Variants in TRPM1 observed in about 807,000 individuals in gnomAD.
The protein encoded by TRPM1 is transient receptor potential cation channel subfamily M member 1, also known as TRPM1-203 APA Isoform, Intron 10.
In TRPM1, 113 loss-of-function variants were observed where a neutral mutation model predicts 149.4. The ratio of observed to expected loss-of-function variants is 0.76; its 90% confidence interval spans 0.65 to 0.88. The LOEUF (loss-of-function observed/expected upper bound fraction) is 0.88, where lower values mean the gene tolerates loss of function less well. Among genes scored for constraint, TRPM1 ranks in the 40% least tolerant of loss-of-function variants. TRPM1 has a pLI of 0.00. For missense variants in TRPM1, 1,976 were observed against 2,038.7 expected, an observed-to-expected ratio of 0.97 and a Z score of 0.59; for synonymous variants, 741 against 759.5, an observed-to-expected ratio of 0.98 and a Z score of 0.40.
intron 27 of TRPM1, among the ~76,000 whole-genome samples, chr15:31,025,026 G>T (rs746902746): frequency 1.3e-5 from 2 of 152,160 alleles, no homozygotes; most frequent in African/African-American, 2.4e-5. Context: ...AGAGTTCACT[G>T]GCCTCAACAT....
At chr15:31,043,552 T>C (rs1309301620) in intron 16 of TRPM1, among the ~76,000 whole-genome samples, 2 of 152,198 alleles carry the variant, frequency 1.3e-5, no homozygotes, top group Non-Finnish European at 2.9e-5. Flanking sequence ...ATGGAAAATA[T>C]AGTATCTTGA....
chr15:31,079,119 C>A (rs562811140), intron 2 of TRPM1, among the ~76,000 whole-genome samples: 1 of 152,220 alleles, frequency 6.6e-6, no homozygotes, highest in Admixed American at 6.5e-5. Context: ...TATATAGAGA[C>A]AGGTATAAAA....
In TRPM1 at chr15:31,067,177, G is replaced by T; in HGVS notation, c.504C>A (p.Ser168Arg). Residue 168 changes from serine (S) to arginine (R), a missense_variant, in exon 6 of 28, where the codon AGC (serine) becomes AGA (arginine). Ser to Arg is a moderately radical substitution (Grantham distance 110). This residue lies in a region of TRPM1 where 1,332 missense variants were observed against 1,347.1 expected (regional missense o/e 0.99). Transcript: ENST00000256552. ...GGTCTTTCAAGGCATCCCCTACGTG[G>T]CTGATAACACCTGTGAGCAGCCATT... ...FTGGVSTGVI[S>R]HVGDALKDHS... The T allele has an allele frequency of 6.2e-7, 1 of 1,614,110 alleles. No individual in the cohort carries two copies. Among genetic ancestry groups the T allele is most frequent in the Non-Finnish European group, 8.5e-7 (1 of 1,180,008 alleles).
intron 1 of TRPM1, among the ~76,000 whole-genome samples, chr15:31,089,836 C>T (rs1264816795): frequency 6.6e-6 from 1 of 152,202 alleles, no homozygotes; most frequent in Non-Finnish European, 1.5e-5. Flanking sequence ...GCACTTCTGC[C>T]TGCCCTTGTG....
intron 1 of TRPM1, among the ~76,000 whole-genome samples, chr15:31,155,556 A>G (rs2036360357): frequency 6.6e-6 from 1 of 152,262 alleles, no homozygotes; most frequent in African/African-American, 2.4e-5. Context: ...AAAACATTTA[A>G]TTCAAAATTA....
intron 1 of TRPM1, among the ~76,000 whole-genome samples, chr15:31,108,719 C>G (rs896888147): frequency 6.6e-6 from 1 of 152,342 alleles, no homozygotes; most frequent in South Asian, 2.1e-4. Context: ...GTCTCGAACT[C>G]CCGACCTCAG....
chr15:31,115,978 C>A (rs544684726), intron 1 of TRPM1, among the ~76,000 whole-genome samples: 9 of 151,918 alleles, frequency 5.9e-5, no homozygotes, highest in Non-Finnish European at 1.2e-4. Flanking sequence ...GATAGCTCTC[C>A]GGGGCCTCTT....
Position 31,066,251 on chromosome 15 carries a change from A to G in TRPM1, c.619-4T>C. The G allele has an allele frequency of 6.2e-7, 1 of 1,614,194 alleles. No homozygotes were observed. The highest frequency in any genetic ancestry group is 8.5e-7 in the Non-Finnish European group (1 of 1,180,034). ...TGGTCTGGTACACTCTTGTTACCTG[A>G]CAAAGTGCACAGCGCAAATCAGACC... On this transcript the variant is annotated splice_region_variant and splice_polypyrimidine_tract_variant and intron_variant, in intron 6 of 27. Coordinates refer to ENST00000256552, the MANE Select transcript of TRPM1 (RefSeq NM_001252024.2).
At chr15:31,130,270 C>T (rs2036000280) in intron 1 of TRPM1, among the ~76,000 whole-genome samples, 1 of 152,186 alleles carries the variant, frequency 6.6e-6, no homozygotes, top group Non-Finnish European at 1.5e-5. Context: ...ATCATAAAAC[C>T]ACCTTTGCAA....
intron 27 of TRPM1, among the ~76,000 whole-genome samples, chr15:31,018,519 A>C (rs191431363): frequency 2.2e-3 from 332 of 151,326 alleles, no homozygotes; most frequent in Non-Finnish European, 4.2e-3. Flanking sequence ...GATTACAGGC[A>C]TGCGCCACCA....
chr15:31,089,412 G>C (rs1352401861), intron 1 of TRPM1, among the ~76,000 whole-genome samples: 1 of 152,226 alleles, frequency 6.6e-6, no homozygotes, highest in Non-Finnish European at 1.5e-5. Context: ...ACAGAGTCCA[G>C]TAGGATTTGG....
chr15:31,042,477 G>T (rs1175444255), intron 16 of TRPM1, among the ~76,000 whole-genome samples: 2 of 152,182 alleles, frequency 1.3e-5, no homozygotes, highest in Non-Finnish European at 2.9e-5. Flanking sequence ...TGGATAACTT[G>T]CACCCCTGGG....
At position 31,050,457 on chromosome 15, in the gene TRPM1, C is replaced by G; in HGVS notation, c.1389G>C (p.Glu463Asp). ...GGGGGTCAGTTTCTTCCTCCACTTCCTCTTTCACTTTCCCTTTCTTCTTGC... is the reference window on the plus strand; with the variant it reads ...GGGGGTCAGTTTCTTCCTCCACTTCGTCTTTCACTTTCCCTTTCTTCTTGC... ...GKGKKKGKVKEEVEEETDPRK... is the reference protein window; with the variant it reads ...GKGKKKGKVKDEVEEETDPRK... Residue 463 changes from glutamate to aspartate, a missense_variant, in exon 12 of 28, where the codon GAG becomes GAC. By Grantham distance (45) the Glu-to-Asp change is conservative. Transcript: ENST00000256552. 1 of 1,614,122 alleles carries G rather than the reference C, an allele frequency of 6.2e-7. No homozygotes were observed. The highest frequency in any genetic ancestry group is 8.5e-7 in the Non-Finnish European group (1 of 1,180,012).
At chr15:31,110,616 G>A (rs565083714) in intron 1 of TRPM1, among the ~76,000 whole-genome samples, 2 of 152,128 alleles carry the variant, frequency 1.3e-5, no homozygotes, top group Non-Finnish European at 1.5e-5. Flanking sequence ...TCGTCAACAG[G>A]TGAACGTTGG....
chr15:31,106,414 G>A (rs1422195830), upstream of TRPM1, among the ~76,000 whole-genome samples: 1 of 152,078 alleles, frequency 6.6e-6, no homozygotes, highest in African/African-American at 2.4e-5. Context: ...GGGATTACAG[G>A]TGTGAGCCAC....
Position 31,066,129 on chromosome 15 carries a change from A to G in TRPM1, c.737T>C (p.Val246Ala). ...CTTTTCCAGCAGCCTTCGCAGCTTC[A>G]CCTCGGCGCCATACTTGCCCAGGGT... ...NGTLGKYGAEVKLRRLLEKHI... is the reference protein window; with the variant it reads ...NGTLGKYGAEAKLRRLLEKHI... Residue 246 changes from valine to alanine, a missense_variant, in exon 7 of 28, where the codon GTG (valine) becomes GCG (alanine). By Grantham distance (64) the Val-to-Ala change is moderately conservative. Coordinates refer to ENST00000256552, the MANE Select transcript of TRPM1 (RefSeq NM_001252024.2). 5 of 1,614,128 alleles carry G rather than the reference A, an allele frequency of 3.1e-6. No individual in the cohort carries two copies. Among genetic ancestry groups the G allele is most frequent in the Non-Finnish European group, 4.2e-6 (5 of 1,180,026 alleles).
chr15:31,141,211 G>A (rs2036156913), intron 1 of TRPM1, among the ~76,000 whole-genome samples: 1 of 151,884 alleles, frequency 6.6e-6, no homozygotes, highest in Non-Finnish European at 1.5e-5. Context: ...GTTCTATGAG[G>A]AATCACATAT....
chr15:31,083,390 T>C (rs2034913364), intron 1 of TRPM1, among the ~76,000 whole-genome samples: 1 of 152,188 alleles, frequency 6.6e-6, no homozygotes, highest in Non-Finnish European at 1.5e-5. Context: ...TTATGGCTTC[T>C]CTTGAAAGCC....
At chr15:31,069,529 C>G (rs2034473166) in intron 4 of TRPM1, 1 of 1,140,310 alleles carries the variant, frequency 8.8e-7, no homozygotes, top group Admixed American at 4.3e-5. Context: ...AAGCCTCCCC[C>G]ACGCTGGCAG....
Sources: gnomAD v4.1 joint callset for allele counts (sites outside exome capture counted in the v4.1 genomes callset) on GRCh38, gnomAD v4.1.1 for gene constraint, gnomAD v4.1.1 regional missense constraint, MANE v1.5 for transcripts, NCBI Gene and HGNC (gene_info 2026-07-23, HGNC 2026-07-21) for gene names.